The following PLPP2 variants were observed in gnomAD, a reference collection of about 807,000 sequenced individuals.
PLPP2 encodes PAP2-gamma.
In PLPP2, 29 loss-of-function variants were observed where a neutral mutation model predicts 35.2. The observed-to-expected ratio is 0.82, with a 90% CI of 0.61 to 1.12. The LOEUF is 1.12. Ranked by LOEUF, PLPP2 falls within the 50% of genes most tolerant of loss-of-function variation. PLPP2 has a pLI of 0.00. For missense variants in PLPP2, 353 were observed against 375.2 expected (o/e 0.94, Z 0.49); for synonymous variants, 162 against 167.0 (o/e 0.97, Z 0.23).
chr19:291,366 G>GCGCGTCCCGT lies in PLPP2; in HGVS notation c.-40_-31dup, dbSNP rs751882454. 1.3e-5 allele frequency: 21 copies of GCGCGTCCCGT among 1,582,886 alleles called. No homozygotes were observed. The South Asian group carries it at 2.2e-4, about 16-fold the overall frequency. Reference sequence around the variant, plus strand: ...CCCGCGACCCCCGACGCCGGTCCCAGCGCGTCCCGTCGCGTCCCGGCCCGG... The same window carrying GCGCGTCCCGT: ...CCCGCGACCCCCGACGCCGGTCCCAGCGCGTCCCGTCGCGTCCCGTCGCGTCCCGGCCCGG... On this transcript the variant is annotated 5_prime_UTR_variant, in exon 1 of 6. Coordinates refer to ENST00000434325, the MANE Select transcript of PLPP2 (RefSeq NM_003712.4).
At chr19:283,008 A>G in intron 3 of PLPP2, 199 bp from the exon 4 acceptor site, 1 of 589,346 alleles carries the variant, frequency 1.7e-6, no homozygotes, top group South Asian at 2.1e-5. Context: ...GGGCTGTGGC[A>G]TGAGATGCCT....
rs753966441 is a variant in PLPP2, at chr19:282,298, C to T, written c.553G>A (p.Ala185Thr). The T allele has an allele frequency of 2.0e-5, 33 of 1,613,452 alleles. No individual in the cohort carries two copies. The highest frequency in any genetic ancestry group is 3.3e-5 in the Admixed American group (2 of 59,962). Residue 185 changes from alanine to threonine, a missense_variant, in exon 5 of 6, where the codon GCA (alanine) becomes ACA (threonine). Coordinates refer to ENST00000434325, the MANE Select transcript of PLPP2 (RefSeq NM_003712.4). ...CMVFLALYVQARLCWKWARLL... is the reference protein window; with the variant it reads ...CMVFLALYVQTRLCWKWARLL... ...CGTGCCCACTTCCAACAGAGTCGTGCCTGCACATACAGCTGGAGTGGGGAG... is the reference window on the plus strand; with the variant it reads ...CGTGCCCACTTCCAACAGAGTCGTGTCTGCACATACAGCTGGAGTGGGGAG...
In PLPP2 at chr19:281,619, C is replaced by T. The variant is rs1376765755; in HGVS notation, c.718-82G>A. The T allele has an allele frequency of 2.9e-5, 38 of 1,291,108 alleles. No homozygotes were observed. In the East Asian group the frequency reaches 9.5e-4, roughly 32 times the overall value. 80.0% of individuals were successfully genotyped at this position (1,291,108 alleles called of 1,614,324 possible). A position where few individuals can be genotyped will look rare whatever the true frequency, so the allele number is the denominator to read the frequency against. On this transcript the variant is annotated intron_variant, in intron 5 of 5. Coordinates refer to ENST00000434325, the MANE Select transcript of PLPP2 (RefSeq NM_003712.4). ...TGGGCATGAGCAGGAGGGGGAGGAA[C>T]AGGGTCCCAGGTGGGAGCGAGGGGC... is the stretch of plus-strand genomic sequence containing the variant.
intron 1 of PLPP2, among the ~76,000 whole-genome samples, chr19:290,267 G>C (rs1368970856): frequency 1.3e-5 from 2 of 152,218 alleles, no homozygotes; most frequent in African/African-American, 2.4e-5. Flanking sequence ...CCTCCGGCAG[G>C]TGACTCAGCA....
Position 282,262 on chromosome 19 carries a change from G to T in PLPP2, c.589C>A (p.Pro197Thr), listed in dbSNP as rs1429272864. 5.6e-6 allele frequency: 9 copies of T among 1,613,770 alleles called. No homozygotes were observed. Among genetic ancestry groups the T allele is most frequent in the Non-Finnish European group, 7.6e-6 (9 of 1,179,912 alleles). Residue 197 changes from proline (P) to threonine (T), a missense_variant, in exon 5 of 6, where the codon CCC (proline) becomes ACC (threonine). Pro to Thr is a conservative substitution (Grantham distance 38). Transcript: ENST00000434325. The stretch of plus-strand genomic sequence containing the variant: ...GCCACCAGGAAGAACTGGACTGTGG[G>T]TCGCAGCAGCCGTGCCCACTTCCAA... ...LCWKWARLLR[P>T]TVQFFLVAFA...
At chr19:288,756 T>TC (rs1228650553) in intron 1 of PLPP2, among the ~76,000 whole-genome samples, 3 of 152,160 alleles carry the variant, frequency 2.0e-5, no homozygotes, top group Non-Finnish European at 4.4e-5. Flanking sequence ...AATTTGGCAG[T>TC]CACGTGTGGG....
Position 291,396 on chromosome 19 carries a change from G to C in PLPP2, c.-60C>G. On this transcript the variant is annotated 5_prime_UTR_variant, in exon 1 of 6. Coordinates refer to ENST00000434325, the MANE Select transcript of PLPP2 (RefSeq NM_003712.4). Reference sequence around the variant, plus strand: ...TCCCGTCGCGTCCCGGCCCGGCCGCGGAGTCACGTGGCGCGGAGCCCGCCC... The same window carrying C: ...TCCCGTCGCGTCCCGGCCCGGCCGCCGAGTCACGTGGCGCGGAGCCCGCCC... The C allele has an allele frequency of 1.3e-6, 2 of 1,519,318 alleles. No homozygotes were observed. Among genetic ancestry groups the C allele is most frequent in the Non-Finnish European group, 8.9e-7 (1 of 1,125,874 alleles). 94.1% of individuals were successfully genotyped at this position (1,519,318 alleles called of 1,614,324 possible). A position where few individuals can be genotyped will look rare whatever the true frequency, so the allele number is the denominator to read the frequency against.
intron 1 of PLPP2, among the ~76,000 whole-genome samples, chr19:289,060 G>C (rs1420972421): frequency 6.6e-6 from 1 of 152,150 alleles, no homozygotes; most frequent in East Asian, 1.9e-4. Context: ...ACACATTCAG[G>C]AGCCACTTAT....
At position 282,073 on chromosome 19, in the gene PLPP2, G is replaced by C. The variant is rs1051186501; in HGVS notation, c.717+61C>G. Reference sequence around the variant, plus strand: ...GGCAAGGGTACCCAGGGCAGCACTAGGGTTGGCTGGGGAGTGGTCTCTGGA... The same window carrying C: ...GGCAAGGGTACCCAGGGCAGCACTACGGTTGGCTGGGGAGTGGTCTCTGGA... On this transcript the variant is annotated intron_variant, in intron 5 of 5. Coordinates refer to ENST00000434325, the MANE Select transcript of PLPP2 (RefSeq NM_003712.4). The C allele has an allele frequency of 3.8e-6, 6 of 1,579,968 alleles. No homozygotes were observed. In the Admixed American group the frequency reaches 8.5e-5, roughly 22 times the overall value.
intron 1 of PLPP2, among the ~76,000 whole-genome samples, chr19:289,910 G>A (rs539125218): frequency 1.3e-5 from 2 of 152,148 alleles, no homozygotes; most frequent in African/African-American, 4.8e-5. Flanking sequence ...CCCGACCACA[G>A]CTCTTATCGG....
At chr19:282,089 G>A (rs1159876395) in intron 5 of PLPP2, 45 bp downstream of exon 5, 1 of 1,601,316 alleles carries the variant, frequency 6.2e-7, no homozygotes, top group East Asian at 2.2e-5. Context: ...GCTGGGGAGT[G>A]GTCTCTGGAC....
intron 5 of PLPP2, chr19:281,857 G>C (rs1970179967): frequency 6.1e-6 from 3 of 491,868 alleles, no homozygotes; most frequent in Admixed American, 3.3e-5. Flanking sequence ...GGAAGGACTG[G>C]GATTGGGGGG....
intron 1 of PLPP2, among the ~76,000 whole-genome samples, chr19:289,641 T>A (rs1970344804): frequency 6.6e-6 from 1 of 151,836 alleles, no homozygotes; most frequent in Non-Finnish European, 1.5e-5. Flanking sequence ...AGGCAGAGGT[T>A]GCAGTGAGCC....
At chr19:286,879 G>A (rs1970279387) in intron 3 of PLPP2, 2 of 152,342 alleles carry the variant, frequency 1.3e-5, no homozygotes, top group Admixed American at 6.5e-5. Flanking sequence ...GTGGGAAGAT[G>A]GCTTGAGCCT....
Position 281,439 on chromosome 19 carries a change from G to T in PLPP2, c.816C>A (p.Thr272=), listed in dbSNP as rs200386634. The T allele has an allele frequency of 1.9e-6, 3 of 1,549,044 alleles. No individual in the cohort carries two copies. The African/African-American group carries it at 4.1e-5, about 21-fold the overall frequency. The change falls in exon 6 of 6, where the codon ACC becomes ACA. Residue 272 remains threonine (T), a synonymous_variant. Coordinates refer to ENST00000434325, the MANE Select transcript of PLPP2 (RefSeq NM_003712.4). Reference sequence around the variant, plus strand: ...AGTGGTTGTGGTCAGCCTCGCCCAGGGTCAACGTCAGTGACAGGCTGGGCT... The same window carrying T: ...AGTGGTTGTGGTCAGCCTCGCCCAGTGTCAACGTCAGTGACAGGCTGGGCT... ...ERKPSLSLTL[T]LGEADHNHYG...
At chr19:291,215 C>A in intron 1 of PLPP2, 70 bp downstream of exon 1, 1 of 1,590,072 alleles carries the variant, frequency 6.3e-7, no homozygotes, top group Non-Finnish European at 8.6e-7. Flanking sequence ...CCCCTGCAAA[C>A]TTGCGCGCAG....
chr19:286,339 G>A (rs963089191), intron 3 of PLPP2: 3 of 151,856 alleles, frequency 2.0e-5, no homozygotes, highest in Admixed American at 6.6e-5. Context: ...TGGATTTGGT[G>A]GTGTATGCCC....
intron 1 of PLPP2, among the ~76,000 whole-genome samples, chr19:290,091 T>C (rs1205172928): frequency 2.0e-5 from 3 of 152,018 alleles, no homozygotes; most frequent in African/African-American, 7.2e-5. Flanking sequence ...CCGGGAGCCC[T>C]CCCGCCCTCA....
At chr19:281,686 G>C in intron 5 of PLPP2, 149 bp from the exon 6 acceptor site, 2 of 762,262 alleles carry the variant, frequency 2.6e-6, no homozygotes, top group South Asian at 5.4e-5. Flanking sequence ...GGTGGGAAGA[G>C]AGCGCTCTTA....
Sources: gnomAD v4.1 joint callset for allele counts (sites outside exome capture counted in the v4.1 genomes callset) on GRCh38, gnomAD v4.1.1 for gene constraint, MANE v1.5 for transcripts, NCBI Gene and HGNC (gene_info 2026-07-23, HGNC 2026-07-21) for gene names.